The following ANKAR variants were observed in gnomAD, a reference collection of about 807,000 sequenced individuals.
ANKAR encodes the protein ankyrin and armadillo repeat-containing protein.
A neutral mutation model predicts 146.2 loss-of-function variants in ANKAR; 136 were observed. That is an observed-to-expected ratio of 0.93 (90% CI 0.81 to 1.07). The LOEUF (loss-of-function observed/expected upper bound fraction) is 1.07. Among genes scored for constraint, ANKAR ranks in the 50% least tolerant of loss-of-function variants. The probability of loss-of-function intolerance (pLI) is 0.00; values close to 1 mark genes in which losing one functional copy is unlikely to be tolerated. For missense variants in ANKAR, 1,567 were observed against 1,679.9 expected (o/e 0.93, Z 1.18); for synonymous variants, 500 against 575.8 (o/e 0.87, Z 1.88).
chr2:189,688,879 G>A (rs1184997043), intron 2 of ANKAR, among the ~76,000 whole-genome samples: 1 of 152,158 alleles, frequency 6.6e-6, no homozygotes, highest in East Asian at 1.9e-4. Flanking sequence ...GAACCACATC[G>A]TGGTCAGTAG....
At chr2:189,750,055 A>G (rs983060071), downstream of ANKAR, among the ~76,000 whole-genome samples, 1 of 152,174 alleles carries the variant, frequency 6.6e-6, no homozygotes. Context: ...CCCAGAAGGT[A>G]GAGGTTGCAT....
intron 7 of ANKAR, among the ~76,000 whole-genome samples, chr2:189,704,596 T>TA (rs35959410): frequency 2.8e-5 from 3 of 105,312 alleles, no homozygotes; most frequent in Non-Finnish European, 5.9e-5. Flanking sequence ...TATATATATA[T>TA]AATTTTAATT....
chr2:189,722,976 C>T (rs1414440672), intron 12 of ANKAR, among the ~76,000 whole-genome samples: 3 of 151,792 alleles, frequency 2.0e-5, no homozygotes, highest in African/African-American at 4.8e-5. Context: ...GTCCTCACTC[C>T]AAGGAAGATA....
chr2:189,732,659 TAAAAAAAAAAAAA>T (rs10707585), intron 16 of ANKAR, among the ~76,000 whole-genome samples: 2 of 50,384 alleles, frequency 4.0e-5, no homozygotes, highest in South Asian at 2.3e-3. Context: ...AGACTCCATC[TAAAAAAAAAAAAA>T]AAAAAAAAAA....
At chr2:189,694,053 G>A (rs1389917077) in intron 5 of ANKAR, among the ~76,000 whole-genome samples, 1 of 151,906 alleles carries the variant, frequency 6.6e-6, no homozygotes, top group Non-Finnish European at 1.5e-5. Flanking sequence ...CTGTCCATAA[G>A]ACCCTATCTC....
chr2:189,693,367 T>C (rs554160696), intron 5 of ANKAR, among the ~76,000 whole-genome samples, 190 bp downstream of exon 5: 1 of 152,342 alleles, frequency 6.6e-6, no homozygotes, highest in African/African-American at 2.4e-5. Context: ...ATGTATTTGA[T>C]ATAGTCTGTG....
intron 18 of ANKAR, chr2:189,752,715 A>G: frequency 6.2e-7 from 1 of 1,613,930 alleles, no homozygotes; most frequent in Non-Finnish European, 8.5e-7. Flanking sequence ...GTAGTCTTTC[A>G]ATACCATTCC....
chr2:189,728,926 G>A, intron 15 of ANKAR, 105 bp downstream of exon 15: 1 of 1,097,776 alleles, frequency 9.1e-7, no homozygotes, highest in Middle Eastern at 2.6e-4. Flanking sequence ...CACTGTTTGA[G>A]CCCTAAATGG....
chr2:189,701,684 C>T (rs1288962901), intron 7 of ANKAR, among the ~76,000 whole-genome samples: 3 of 152,048 alleles, frequency 2.0e-5, no homozygotes, highest in African/African-American at 4.8e-5. Flanking sequence ...TTAGGATTTC[C>T]ATCTCTCTGT....
chr2:189,691,999 C>T (rs1342415173), intron 3 of ANKAR, among the ~76,000 whole-genome samples: 2 of 152,032 alleles, frequency 1.3e-5, no homozygotes, highest in Non-Finnish European at 2.9e-5. Flanking sequence ...TAGGCTCAAG[C>T]GATCCGCCCC....
chr2:189,758,284 G>C (rs569089656), intron 18 of ANKAR, among the ~76,000 whole-genome samples: 11 of 152,230 alleles, frequency 7.2e-5, no homozygotes, highest in East Asian at 3.9e-4. Context: ...TGAAGGCTGA[G>C]GGGGGAGAAT....
chr2:189,677,251 A>G (rs1056955768), intron 2 of ANKAR, among the ~76,000 whole-genome samples, 160 bp downstream of exon 2: 2 of 151,666 alleles, frequency 1.3e-5, no homozygotes, highest in African/African-American at 2.4e-5. Flanking sequence ...GCACCTGGCC[A>G]CTTCTTAATT....
At chr2:189,687,407 A>C (rs926054537) in intron 2 of ANKAR, among the ~76,000 whole-genome samples, 1 of 152,206 alleles carries the variant, frequency 6.6e-6, no homozygotes, top group African/African-American at 2.4e-5. Flanking sequence ...TATTACGAAC[A>C]GTGCTGCCAC....
chr2:189,715,624 G>C (rs898768366), intron 10 of ANKAR, among the ~76,000 whole-genome samples: 3 of 152,208 alleles, frequency 2.0e-5, no homozygotes, highest in African/African-American at 7.2e-5. Flanking sequence ...AAGCCTGGCA[G>C]AGACAAAACA....
rs1256262033 is a variant in ANKAR at position 189,692,340 on chromosome 2, T to C, written c.1125T>C (p.Asn375=). Residue 375 remains asparagine, a synonymous_variant, in exon 4 of 23, where the codon AAT becomes AAC. Transcript: ENST00000684021. ...FKCQNFHYKE[N]QYFHVHGGIE... Reference sequence around the variant, plus strand: ...GCCAGAATTTTCACTACAAAGAGAATCAATATTTTCATGTTCATGGAGGAA... The same window carrying C: ...GCCAGAATTTTCACTACAAAGAGAACCAATATTTTCATGTTCATGGAGGAA... The C allele has an allele frequency of 6.2e-7, 1 of 1,613,242 alleles. No homozygotes were observed. The highest frequency in any genetic ancestry group is 8.5e-7 in the Non-Finnish European group (1 of 1,179,666).
intron 10 of ANKAR, among the ~76,000 whole-genome samples, chr2:189,719,029 G>A (rs1011986889): frequency 6.6e-4 from 101 of 152,208 alleles, no homozygotes; most frequent in Non-Finnish European, 1.2e-3. Context: ...GATTACAGGC[G>A]TGAGCCACCG....
intron 2 of ANKAR, among the ~76,000 whole-genome samples, chr2:189,686,400 A>G (rs964211844): frequency 6.6e-6 from 1 of 152,228 alleles, no homozygotes; most frequent in Non-Finnish European, 1.5e-5. Flanking sequence ...CTATTTGACA[A>G]GAAGAAAGTC....
chr2:189,738,661 A>C lies in ANKAR; in HGVS notation c.3679A>C (p.Thr1227Pro). Reference sequence around the variant, plus strand: ...AGTTGATAGTCTGTATTCAGTTCAGACTTCTACTATTGTCTTGACAGGTAA... The same window carrying C: ...AGTTGATAGTCTGTATTCAGTTCAGCCTTCTACTATTGTCTTGACAGGTAA... ...ILVDSLYSVQ[T>P]STIVLTGNLI... Residue 1227 changes from threonine to proline, a missense_variant, in exon 19 of 23, where the codon ACT (threonine) becomes CCT (proline). Physicochemically the swap from Thr to Pro is conservative, Grantham distance 38. Transcript: ENST00000684021. The C allele has an allele frequency of 3.7e-6, 6 of 1,604,560 alleles. No homozygotes were observed. Among genetic ancestry groups the C allele is most frequent in the Non-Finnish European group, 5.1e-6 (6 of 1,174,418 alleles).
At chr2:189,732,733 G>C (rs559605950) in intron 16 of ANKAR, among the ~76,000 whole-genome samples, 1 of 148,150 alleles carries the variant, frequency 6.7e-6, no homozygotes, top group African/African-American at 2.5e-5. Flanking sequence ...TTAACAAGCA[G>C]TTCAAAATAG....
Sources: gnomAD v4.1 joint callset for allele counts (sites outside exome capture counted in the v4.1 genomes callset) on GRCh38, gnomAD v4.1.1 for gene constraint, MANE v1.5 for transcripts, NCBI Gene and HGNC (gene_info 2026-07-23, HGNC 2026-07-21) for gene names.